The following PCDHGA2 variants were observed in gnomAD, a reference collection of about 807,000 sequenced individuals.
The protein encoded by PCDHGA2 is protocadherin gamma subfamily A, 2.
A neutral mutation model predicts 59.2 loss-of-function variants in PCDHGA2; 40 were observed. The observed-to-expected ratio is 0.68, with a 90% CI of 0.52 to 0.88. PCDHGA2 has a LOEUF of 0.88. Among genes scored for constraint, PCDHGA2 ranks in the 40% least tolerant of loss-of-function variants. PCDHGA2 has a pLI of 0.00. For synonymous variants in PCDHGA2, 560 were observed against 526.0 expected (o/e 1.06, Z -0.89); for missense variants, 1,226 against 1,204.0 (o/e 1.02, Z -0.27).
intron 1 of PCDHGA2, chr5:141,478,401 T>G: frequency 6.2e-7 from 1 of 1,613,480 alleles, no homozygotes; most frequent in South Asian, 1.1e-5. Context: ...CAGGTGTATC[T>G]CACCACGGAC....
At position 141,379,889 on chromosome 5, in the gene PCDHGA2, C is replaced by CTTTTTTTTTTTTTTTTTTTTTTTTTT. The variant is rs70988800; in HGVS notation, c.2424+38499_2424+38524dup. On this transcript the variant is annotated intron_variant, in intron 1 of 3. Coordinates refer to ENST00000394576, the MANE Select transcript of PCDHGA2 (RefSeq NM_018915.4). ...CTTATTTTATGGTCTGTGAAAGCCT[C>CTTTTTTTTTTTTTTTTTTTTTTTTTT]TTTTTTTTTTTTTTTTTTTTTTTTT... Among the ~76,000 whole-genome samples the CTTTTTTTTTTTTTTTTTTTTTTTTTT allele has an allele frequency of 6.9e-4, 35 of 50,830 alleles. 8 individuals carry two copies. Among genetic ancestry groups the CTTTTTTTTTTTTTTTTTTTTTTTTTT allele is most frequent in the Non-Finnish European group, 8.9e-4 (23 of 25,880 alleles). The allele number at this position is 50,830 out of a possible 152,430, so 33.3% of individuals were successfully genotyped here. A position where few individuals can be genotyped will look rare whatever the true frequency, so the allele number is the denominator to read the frequency against.
At chr5:141,374,236 T>C in intron 1 of PCDHGA2, 1 of 1,613,974 alleles carries the variant, frequency 6.2e-7, no homozygotes, top group Non-Finnish European at 8.5e-7. Flanking sequence ...TCGTCAAGGA[T>C]CTGGGACTGG....
chr5:141,413,248 GGGATTCCATGGGA>G (rs1349440144), intron 1 of PCDHGA2: 4 of 1,613,844 alleles, frequency 2.5e-6, no homozygotes, highest in Non-Finnish European at 2.5e-6. Context: ...CCTTTTCTTC[GGGATTCCATGGGA>G]GGCTGGAGCC....
intron 1 of PCDHGA2, chr5:141,350,537 T>C: frequency 6.2e-7 from 1 of 1,614,006 alleles, no homozygotes; most frequent in Non-Finnish European, 8.5e-7. Flanking sequence ...AGAGAAGATT[T>C]GCGGAAGGAA....
chr5:141,410,118 G>T (rs2095358965), intron 1 of PCDHGA2: 3 of 1,612,304 alleles, frequency 1.9e-6, no homozygotes, highest in East Asian at 4.5e-5. Context: ...GACGCAGCCC[G>T]CCAGCGCCTG....
rs1193417991 is a variant in PCDHGA2 at position 141,491,413 on chromosome 5, G to T, written c.2425-3394G>T. The T allele has an allele frequency of 6.2e-7, 1 of 1,614,064 alleles. No individual in the cohort carries two copies. Among genetic ancestry groups the T allele is most frequent in the South Asian group, 1.1e-5 (1 of 91,074 alleles). ...CCTTCAGGGAAACGCAGACGGGGAC[G>T]GGGGTGGAGGGCAGTGCTGCAGGCG... On this transcript the variant is annotated intron_variant, in intron 1 of 3. Transcript: ENST00000394576. This position sits in a 1 kb window ranked among gnomAD's most constrained non-coding sequence, Gnocchi z 6.9.
intron 1 of PCDHGA2, chr5:141,352,665 C>G (rs755324921): frequency 6.3e-7 from 1 of 1,587,314 alleles, no homozygotes; most frequent in African/African-American, 1.3e-5. Flanking sequence ...TCTTTGTCTT[C>G]GCACGTGAGT....
chr5:141,489,364 G>A lies in PCDHGA2; in HGVS notation c.2425-5443G>A, dbSNP rs2099686163. On this transcript the variant is annotated intron_variant, in intron 1 of 3. Coordinates refer to ENST00000394576, the MANE Select transcript of PCDHGA2 (RefSeq NM_018915.4). The surrounding 1 kb of genome is among the most constrained non-coding windows in gnomAD (Gnocchi z 4.5). The stretch of plus-strand genomic sequence containing the variant: ...CTCAGTGGTGGAGGAGTCTGAGCCG[G>A]GGACGCTGGTGGGGAATGTTGCTCA... 1 of 1,613,450 alleles carries A rather than the reference G, an allele frequency of 6.2e-7. No homozygotes were observed. The highest frequency in any genetic ancestry group is 1.1e-5 in the South Asian group (1 of 91,042).
intron 1 of PCDHGA2, chr5:141,417,735 C>T (rs1408012587): frequency 1.4e-6 from 2 of 1,398,382 alleles, no homozygotes; most frequent in African/African-American, 2.9e-5. Flanking sequence ...CCTTGCCCAG[C>T]ACACCAGATT....
intron 1 of PCDHGA2, chr5:141,360,565 G>T (rs180935383): frequency 6.2e-7 from 1 of 1,613,894 alleles, no homozygotes. Context: ...AAAAATTGGC[G>T]AATCCACTAA....
Position 141,410,300 on chromosome 5 carries a change from T to A in PCDHGA2, c.2424+68905T>A, listed in dbSNP as rs1233506038. 4 of 1,614,022 alleles carry A rather than the reference T, an allele frequency of 2.5e-6. No individual in the cohort carries two copies. In the Admixed American group the frequency reaches 6.7e-5, roughly 27 times the overall value. ...CCTGGTGGTGGCCTTGGCCTTAATC[T>A]CAGTGCTCTTCCTCCTCGCCGTGAT... On this transcript the variant is annotated intron_variant, in intron 1 of 3. Coordinates refer to ENST00000394576, the MANE Select transcript of PCDHGA2 (RefSeq NM_018915.4).
At chr5:141,346,098 C>T in intron 1 of PCDHGA2, 1 of 1,613,784 alleles carries the variant, frequency 6.2e-7, no homozygotes, top group East Asian at 2.2e-5. Flanking sequence ...CGATTCGGAC[C>T]TCACTCTGTA....
chr5:141,374,456 G>A, intron 1 of PCDHGA2: 2 of 1,613,432 alleles, frequency 1.2e-6, no homozygotes, highest in Non-Finnish European at 1.7e-6. Context: ...GGAAATAGTG[G>A]ACATTAATGA....
chr5:141,456,715 A>G (rs2098881350), intron 1 of PCDHGA2, among the ~76,000 whole-genome samples: 1 of 152,204 alleles, frequency 6.6e-6, no homozygotes, highest in South Asian at 2.1e-4. Flanking sequence ...CTGTAATCCC[A>G]GCACTTTGGG....
intron 1 of PCDHGA2, chr5:141,376,132 A>T: frequency 6.2e-7 from 1 of 1,613,498 alleles, no homozygotes; most frequent in Non-Finnish European, 8.5e-7. Context: ...CCTCCGCCAA[A>T]CCCAACGATT....
intron 1 of PCDHGA2, chr5:141,364,591 G>C (rs754833725): frequency 3.7e-6 from 6 of 1,614,076 alleles, no homozygotes; most frequent in Non-Finnish European, 3.4e-6. Context: ...TGGTCACCGC[G>C]GGCAGGATAG....
rs749272977 is a variant in PCDHGA2 at position 141,340,315 on chromosome 5, C to T, written c.1344C>T (p.Asn448=). Residue 448 remains asparagine (N), a synonymous_variant, in exon 1 of 4, where the codon AAC becomes AAT. Coordinates refer to ENST00000394576, the MANE Select transcript of PCDHGA2 (RefSeq NM_018915.4). ...ILLQVADIND[N]APAFSRTSYS... ...TCCAGGTGGCAGACATCAACGACAACGCACCCGCCTTCTCCCGCACATCCT... is the reference window on the plus strand; with the variant it reads ...TCCAGGTGGCAGACATCAACGACAATGCACCCGCCTTCTCCCGCACATCCT... 4 of 1,614,024 alleles carry T rather than the reference C, an allele frequency of 2.5e-6. No individual in the cohort carries two copies. The highest frequency in any genetic ancestry group is 2.2e-5 in the East Asian group (1 of 44,890).
chr5:141,498,684 C>T (rs1255085852), intron 2 of PCDHGA2, among the ~76,000 whole-genome samples: 1 of 152,192 alleles, frequency 6.6e-6, no homozygotes, highest in South Asian at 2.1e-4. Flanking sequence ...GTAATCCCAG[C>T]ACTTTGGGAG....
At chr5:141,346,242 G>T (rs774242856) in intron 1 of PCDHGA2, 2 of 1,614,180 alleles carry the variant, frequency 1.2e-6, no homozygotes, top group South Asian at 1.1e-5. Context: ...GAGTACGCCC[G>T]GCTCGCACTT....
Sources: allele counts gnomAD v4.1 joint callset (sites outside exome capture counted in the v4.1 genomes callset), GRCh38; gene constraint gnomAD v4.1.1; non-coding constraint Gnocchi (gnomAD v3.1); transcripts MANE v1.5; gene names NCBI Gene and HGNC (gene_info 2026-07-23, HGNC 2026-07-21).